CYLD: variants seen among roughly 807,000 people sequenced by gnomAD.
CYLD encodes ubiquitin carboxyl-terminal hydrolase CYLD.
In CYLD, 26 loss-of-function variants were observed where a neutral mutation model predicts 104.5. That is an observed-to-expected ratio of 0.25 (90% CI 0.18 to 0.35). The LOEUF is 0.35. Ranked by LOEUF, CYLD falls within the 10% of genes least tolerant of loss-of-function variation. The pLI, the probability that CYLD is intolerant of heterozygous loss-of-function variation, is 1.00. For synonymous variants in CYLD, 385 were observed against 399.9 expected (o/e 0.96, Z 0.45); for missense variants, 703 against 1,136.1 (o/e 0.62, Z 5.48).
intron 1 of CYLD, 22 bp from the exon 2 acceptor site, chr16:50,742,740 C>G (rs151318410): frequency 2.5e-6 from 1 of 398,684 alleles, no homozygotes; most frequent in East Asian, 3.5e-5. Flanking sequence ...TTGTTAATGG[C>G]GTGTTCTGCT....
rs138143910 is a variant in CYLD, at chr16:50,798,670, A to C, written c.*2162A>C. 1.0e-4 allele frequency: 24 copies of C among 233,346 alleles called. No homozygotes were observed. The East Asian group carries it at 1.4e-3, about 14-fold the overall frequency. 14.5% of individuals were successfully genotyped at this position (233,346 alleles called of 1,614,324 possible). Reference sequence around the variant, plus strand: ...GTTCCTTTCCTGTAGAAATTAAAACAAAATACAAATTGAGGAAGCTCTGCT... The same window carrying C: ...GTTCCTTTCCTGTAGAAATTAAAACCAAATACAAATTGAGGAAGCTCTGCT... On this transcript the variant is annotated 3_prime_UTR_variant, in exon 19 of 19. Transcript: ENST00000427738.
At chr16:50,742,889 G>A (rs1965834049) in intron 2 of CYLD, 48 bp downstream of exon 2, 1 of 395,668 alleles carries the variant, frequency 2.5e-6, no homozygotes, top group Non-Finnish European at 4.5e-6. Flanking sequence ...CGAGGGGGGT[G>A]GGGGGCGAAT....
Position 50,797,497 on chromosome 16 carries a change from A to C in CYLD, c.*989A>C. 1 of 232,556 alleles carries C rather than the reference A, an allele frequency of 4.3e-6. No homozygotes were observed. The highest frequency in any genetic ancestry group is 6.1e-5 in the East Asian group (1 of 16,524). 14.4% of individuals were successfully genotyped at this position (232,556 alleles called of 1,614,324 possible). ...AATTCAGTGTAGTTTCACTTGATAGAATCAGATATGTTATCGAAATGTTAG... is the reference window on the plus strand; with the variant it reads ...AATTCAGTGTAGTTTCACTTGATAGCATCAGATATGTTATCGAAATGTTAG... On this transcript the variant is annotated 3_prime_UTR_variant, in exon 19 of 19. Transcript: ENST00000427738.
intron 5 of CYLD, among the ~76,000 whole-genome samples, chr16:50,766,917 C>T (rs1006698625): frequency 8.5e-5 from 13 of 152,154 alleles, no homozygotes; most frequent in Non-Finnish European, 1.2e-4. Flanking sequence ...TTGTGAACAT[C>T]GTTGAGATGA....
rs1451560282 is a variant in CYLD, at chr16:50,797,212, C to G, written c.*704C>G. The G allele has an allele frequency of 4.3e-6, 1 of 232,684 alleles. No individual in the cohort carries two copies. Among genetic ancestry groups the G allele is most frequent in the Admixed American group, 5.6e-5 (1 of 17,780 alleles). 14.4% of individuals were successfully genotyped at this position (232,684 alleles called of 1,614,324 possible). Reference sequence around the variant, plus strand: ...GGATTAGGGTATTTAGCAGTTGAAGCTCTTCATTCATAGTAGTTACTGTCA... The same window carrying G: ...GGATTAGGGTATTTAGCAGTTGAAGGTCTTCATTCATAGTAGTTACTGTCA... On this transcript the variant is annotated 3_prime_UTR_variant, in exon 19 of 19. Coordinates refer to ENST00000427738, the MANE Select transcript of CYLD (RefSeq NM_001378743.1).
At position 50,781,270 on chromosome 16, in the gene CYLD, G is replaced by A. The variant is rs1174118206; in HGVS notation, c.1543G>A (p.Asp515Asn). 1 of 1,613,992 alleles carries A rather than the reference G, an allele frequency of 6.2e-7. No individual in the cohort carries two copies. Among genetic ancestry groups the A allele is most frequent in the South Asian group, 1.1e-5 (1 of 91,076 alleles). ...ELEDECAGCT[D>N]GTFRGTRYFT... is the part of the protein sequence containing the mutation. ...GGAAGATGAGTGTGCAGGCTGTACGGATGGAACCTTCAGAGGCACTCGGTA... is the reference window on the plus strand; with the variant it reads ...GGAAGATGAGTGTGCAGGCTGTACGAATGGAACCTTCAGAGGCACTCGGTA... The change falls in exon 10 of 19, where the codon GAT (aspartate) becomes AAT (asparagine). Residue 515 changes from aspartate (D) to asparagine (N), a missense_variant. By Grantham distance (23) the Asp-to-Asn change is conservative. This residue lies in a region of CYLD where 125 missense variants were observed against 325.4 expected (regional missense o/e 0.38). Transcript: ENST00000427738.
At position 50,781,292 on chromosome 16, in the gene CYLD, G is replaced by C; in HGVS notation, c.1565G>C (p.Arg522Pro). The C allele has an allele frequency of 6.2e-7, 1 of 1,613,926 alleles. No individual in the cohort carries two copies. Reference sequence around the variant, plus strand: ...ACGGATGGAACCTTCAGAGGCACTCGGTATTTCACCTGTGCCCTGAAGAAG... The same window carrying C: ...ACGGATGGAACCTTCAGAGGCACTCCGTATTTCACCTGTGCCCTGAAGAAG... ...GCTDGTFRGT[R>P]YFTCALKKAL... Residue 522 changes from arginine to proline, a missense_variant, in exon 10 of 19, where the codon CGG (arginine) becomes CCG (proline). Physicochemically the swap from Arg to Pro is moderately radical, Grantham distance 103. Around this residue, in one of 5 missense-constraint regions of CYLD, gnomAD observed 125 missense variants for 325.4 expected, o/e 0.38. Transcript: ENST00000427738.
chr16:50,748,721 C>A (rs932654136), intron 2 of CYLD, among the ~76,000 whole-genome samples: 2 of 151,856 alleles, frequency 1.3e-5, no homozygotes, highest in African/African-American at 2.4e-5. Context: ...CTGATATTTG[C>A]GATTTGAGAA....
rs1405265573 is a variant in CYLD at position 50,786,857 on chromosome 16, A to G, written c.1952A>G (p.Tyr651Cys). The G allele has an allele frequency of 1.2e-6, 2 of 1,606,024 alleles. No homozygotes were observed. The highest frequency in any genetic ancestry group is 1.7e-6 in the Non-Finnish European group (2 of 1,172,726). The change falls in exon 13 of 19, where the codon TAT becomes TGT. Residue 651 changes from tyrosine (Y) to cysteine (C), a missense_variant and splice_region_variant. Around this residue, in one of 5 missense-constraint regions of CYLD, gnomAD observed 125 missense variants for 325.4 expected, o/e 0.38. Coordinates refer to ENST00000427738, the MANE Select transcript of CYLD (RefSeq NM_001378743.1). ...RTEIVNPLRI[Y>C]GYVCATKIMK... is the part of the protein sequence containing the mutation. ...TTAATAGTTTTTTACTAACTTAGAT[A>G]TGGATATGTGTGTGCCACAAAAATT...
chr16:50,749,704 T>C lies in CYLD; in HGVS notation c.6T>C (p.Ser2=), dbSNP rs1424874186. 1 of 1,613,440 alleles carries C rather than the reference T, an allele frequency of 6.2e-7. No individual in the cohort carries two copies. The highest frequency in any genetic ancestry group is 8.5e-7 in the Non-Finnish European group (1 of 1,179,964). The change falls in exon 3 of 19, where the codon AGT becomes AGC. Residue 2 remains serine, a synonymous_variant. Transcript: ENST00000427738. ...ATTTTGAAGTTAATATCACAATGAGTTCAGGCTTATGGAGCCAAGAAAAAG... is the reference window on the plus strand; with the variant it reads ...ATTTTGAAGTTAATATCACAATGAGCTCAGGCTTATGGAGCCAAGAAAAAG... M[S]SGLWSQEKVT...
At chr16:50,762,459 T>C (rs1293810126) in intron 5 of CYLD, among the ~76,000 whole-genome samples, 1 of 151,882 alleles carries the variant, frequency 6.6e-6, no homozygotes, top group East Asian at 1.9e-4. Context: ...TGTGGATCTT[T>C]CTGAGCCCTG....
chr16:50,794,496 G>T lies in CYLD; in HGVS notation c.2686+68G>T. ...GTTTGTAGTGGGACAGTTTGTAGTGGGATCGCCTGTTCTGAGTGATATTTT... is the reference window on the plus strand; with the variant it reads ...GTTTGTAGTGGGACAGTTTGTAGTGTGATCGCCTGTTCTGAGTGATATTTT... On this transcript the variant is annotated intron_variant, in intron 18 of 18. Transcript: ENST00000427738. The surrounding 1 kb of genome is among the most constrained non-coding windows in gnomAD (Gnocchi z 4.1). 2 of 1,392,772 alleles carry T rather than the reference G, an allele frequency of 1.4e-6. No homozygotes were observed. Among genetic ancestry groups the T allele is most frequent in the Non-Finnish European group, 2.0e-6 (2 of 980,440 alleles). 86.3% of individuals were successfully genotyped at this position (1,392,772 alleles called of 1,614,324 possible).
chr16:50,756,316 C>G (rs1312985748), intron 5 of CYLD, among the ~76,000 whole-genome samples: 2 of 152,166 alleles, frequency 1.3e-5, no homozygotes, highest in African/African-American at 4.8e-5. Flanking sequence ...TTGGTTTAAA[C>G]TAGAAGGCTT....
chr16:50,783,201 G>A (rs1400360574), intron 11 of CYLD, among the ~76,000 whole-genome samples: 1 of 152,094 alleles, frequency 6.6e-6, no homozygotes, highest in Non-Finnish European at 1.5e-5. Flanking sequence ...CAAAGTGCTT[G>A]GGATTACGGG....
At chr16:50,754,968 CATATATGTATACATATATACAT>C (rs1966866797) in intron 5 of CYLD, among the ~76,000 whole-genome samples, 1 of 138,524 alleles carries the variant, frequency 7.2e-6, no homozygotes, top group Admixed American at 7.3e-5. Context: ...CATATACACA[CATATATGTATACATATATACAT>C]ATATATGTAT....
rs778620114 is a variant in CYLD at position 50,750,131 on chromosome 16, G to A, written c.433G>A (p.Val145Ile). The A allele has an allele frequency of 1.9e-6, 3 of 1,614,106 alleles. No individual in the cohort carries two copies. The South Asian group carries it at 3.3e-5, about 18-fold the overall frequency. The stretch of plus-strand genomic sequence containing the variant: ...ATCTGGGGAAGAAAAATTTCCTGGA[G>A]TTGTACGCTTCAGAGGACCCCTGTT... ...LRSGEEKFPGVVRFRGPLLAE... is the reference protein window; with the variant it reads ...LRSGEEKFPGIVRFRGPLLAE... Residue 145 changes from valine to isoleucine, a missense_variant, in exon 3 of 19, where the codon GTT (valine) becomes ATT (isoleucine). Transcript: ENST00000427738.
chr16:50,782,598 G>A (rs1439143052), intron 11 of CYLD, 132 bp downstream of exon 11: 2 of 928,292 alleles, frequency 2.2e-6, no homozygotes, highest in Non-Finnish European at 3.4e-6. Context: ...GAAACTGGAT[G>A]ACTGTGGGTC....
intron 5 of CYLD, among the ~76,000 whole-genome samples, chr16:50,769,076 CA>C (rs1968835173): frequency 6.6e-6 from 1 of 152,154 alleles, no homozygotes; most frequent in East Asian, 1.9e-4. Flanking sequence ...TTTCTATATC[CA>C]TTCACTTGTT....
intron 5 of CYLD, among the ~76,000 whole-genome samples, chr16:50,762,366 A>G (rs1435684702): frequency 6.6e-6 from 1 of 152,194 alleles, no homozygotes; most frequent in African/African-American, 2.4e-5. Context: ...TTTGGTTTTG[A>G]ACAGGATATG....
Sources: allele counts gnomAD v4.1 joint callset (sites outside exome capture counted in the v4.1 genomes callset), GRCh38; gene constraint gnomAD v4.1.1; regional missense constraint gnomAD v4.1.1; non-coding constraint Gnocchi (gnomAD v3.1); transcripts MANE v1.5; gene names NCBI Gene and HGNC (gene_info 2026-07-23, HGNC 2026-07-21).